Variants in ROR2 observed in about 807,000 individuals in gnomAD.
ROR2 encodes the protein tyrosine-protein kinase transmembrane receptor ROR2.
A neutral mutation model predicts 74.9 loss-of-function variants in ROR2; 33 were observed. The observed-to-expected ratio is 0.44, with a 90% CI of 0.33 to 0.59. ROR2 has a LOEUF of 0.59. Among genes scored for constraint, ROR2 ranks in the 20% least tolerant of loss-of-function variants. The pLI is 0.02. For synonymous variants in ROR2, 586 were observed against 558.7 expected, an observed-to-expected ratio of 1.05 and a Z score of -0.69; for missense variants, 1,216 against 1,313.8, an observed-to-expected ratio of 0.93 and a Z score of 1.15.
intron 2 of ROR2, among the ~76,000 whole-genome samples, chr9:91,763,333 G>A (rs1460203973): frequency 1.3e-5 from 2 of 152,122 alleles, no homozygotes; most frequent in Admixed American, 1.3e-4. Flanking sequence ...AATGAAAGTT[G>A]GAAGGGGAAA....
intron 1 of ROR2, among the ~76,000 whole-genome samples, chr9:91,912,481 G>A (rs1035265275): frequency 3.3e-5 from 5 of 152,096 alleles, no homozygotes; most frequent in African/African-American, 1.2e-4. Context: ...AATACCGTAT[G>A]TGCTCCCAAA....
intron 1 of ROR2, among the ~76,000 whole-genome samples, chr9:91,793,281 G>A (rs1369839916): frequency 1.3e-5 from 2 of 151,958 alleles, no homozygotes; most frequent in Admixed American, 1.3e-4. Flanking sequence ...ATCCAAATAT[G>A]TATGAAAACA....
At chr9:91,797,090 G>C (rs1827206045) in intron 1 of ROR2, among the ~76,000 whole-genome samples, 1 of 85,414 alleles carries the variant, frequency 1.2e-5, no homozygotes, top group Admixed American at 1.0e-4. Context: ...GGGATCTGTG[G>C]ATAGGGCTGA....
chr9:91,821,096 G>C (rs1456388405), intron 1 of ROR2, among the ~76,000 whole-genome samples: 1 of 133,340 alleles, frequency 7.5e-6, no homozygotes, highest in Non-Finnish European at 1.6e-5. Flanking sequence ...ATGAGACTTC[G>C]TCTCAAAAAA....
chr9:91,903,820 C>T (rs796931691), intron 1 of ROR2, among the ~76,000 whole-genome samples: 3 of 152,074 alleles, frequency 2.0e-5, no homozygotes, highest in South Asian at 2.1e-4. Context: ...AGAGAGTCCA[C>T]GGCAATAAAA....
intron 1 of ROR2, among the ~76,000 whole-genome samples, chr9:91,900,666 T>C (rs1323756547): frequency 6.6e-6 from 1 of 152,122 alleles, no homozygotes; most frequent in African/African-American, 2.4e-5. Flanking sequence ...TTCCATGGAC[T>C]GGGGGCAGCT....
rs571306513 is a variant in ROR2, at chr9:91,783,526, T to C, written c.98-7708A>G. On this transcript the variant is annotated intron_variant, in intron 1 of 8. Coordinates refer to ENST00000375708, the MANE Select transcript of ROR2 (RefSeq NM_004560.4). ...CTTCTGAGGCCAACTCTCACTTATA[T>C]GGAAGCCACCTCCAACCCTCACAGC... 5.3e-5 allele frequency among the ~76,000 whole-genome samples: 8 copies of C among 152,224 alleles called. No individual in the cohort carries two copies. The East Asian group carries it at 1.4e-3, about 26-fold the overall frequency.
At chr9:91,925,971 C>T (rs991196430) in intron 1 of ROR2, among the ~76,000 whole-genome samples, 1 of 152,150 alleles carries the variant, frequency 6.6e-6, no homozygotes, top group Non-Finnish European at 1.5e-5. Context: ...AGGCCTGGCG[C>T]GGTTGCTCAC....
At chr9:91,769,613 C>T (rs1264370953) in intron 2 of ROR2, among the ~76,000 whole-genome samples, 1 of 152,102 alleles carries the variant, frequency 6.6e-6, no homozygotes, top group Admixed American at 6.5e-5. Context: ...ACGTTCCCTT[C>T]CTCTCCCACG....
At chr9:91,760,548 G>A (rs937848602) in intron 2 of ROR2, among the ~76,000 whole-genome samples, 1 of 151,884 alleles carries the variant, frequency 6.6e-6, no homozygotes, top group Non-Finnish European at 1.5e-5. Flanking sequence ...GCAGGAGAAT[G>A]GCGTGAACCC....
chr9:91,866,011 T>C (rs1294486005), intron 1 of ROR2, among the ~76,000 whole-genome samples: 1 of 152,218 alleles, frequency 6.6e-6, no homozygotes, highest in Admixed American at 6.5e-5. Context: ...TGGTACAATA[T>C]TGGCATCACA....
intron 8 of ROR2, 132 bp from the exon 9 acceptor site, chr9:91,725,239 TTGCCCACCCAGCCTTGGCC>T (rs1347267552): frequency 2.0e-6 from 3 of 1,516,312 alleles, no homozygotes; most frequent in Admixed American, 3.3e-5. Context: ...CCCGCTGGTT[TTGCCCACCCAGCCTTGGCC>T]TGCCCACCCA....
chr9:91,787,589 A>C (rs1426045160), intron 1 of ROR2, among the ~76,000 whole-genome samples: 4 of 152,206 alleles, frequency 2.6e-5, no homozygotes, highest in South Asian at 2.1e-4. Context: ...ATTACAGGAA[A>C]TACATAAACC....
chr9:91,921,237 T>C (rs1017320847), intron 1 of ROR2, among the ~76,000 whole-genome samples: 17 of 152,354 alleles, frequency 1.1e-4, no homozygotes, highest in South Asian at 4.1e-4. Flanking sequence ...CTCAACCCCA[T>C]ATCAACAAAG....
At chr9:91,948,646 G>C (rs1039036590) in intron 1 of ROR2, 1 of 985,384 alleles carries the variant, frequency 1.0e-6, no homozygotes, top group Non-Finnish European at 1.2e-6. Flanking sequence ...TACCTGGAGC[G>C]CGCAGCTCCC....
intron 1 of ROR2, among the ~76,000 whole-genome samples, chr9:91,864,395 G>A (rs1454167355): frequency 6.6e-6 from 1 of 152,158 alleles, no homozygotes; most frequent in Non-Finnish European, 1.5e-5. Flanking sequence ...CAGGAGGCCA[G>A]GAACACGAGC....
At chr9:91,845,268 C>G (rs1408558657) in intron 1 of ROR2, among the ~76,000 whole-genome samples, 1 of 152,118 alleles carries the variant, frequency 6.6e-6, no homozygotes, top group Non-Finnish European at 1.5e-5. Flanking sequence ...GGAAGCCAGG[C>G]CCTGACCACC....
In ROR2 at chr9:91,735,606, C is replaced by CTTTTTT. The variant is rs35146225; in HGVS notation, c.622+1779_622+1784dup. ...GCACGGTTCCTACTAAGGGCTCTAA[C>CTTTTTT]TTTTTTTTTTTTTTTTTTTTTTTTT... On this transcript the variant is annotated intron_variant, in intron 5 of 8. Coordinates refer to ENST00000375708, the MANE Select transcript of ROR2 (RefSeq NM_004560.4). 1.0e-4 allele frequency among the ~76,000 whole-genome samples: 8 copies of CTTTTTT among 78,996 alleles called. 1 individual carries two copies. The highest frequency in any genetic ancestry group is 5.0e-4 in the East Asian group (1 of 2,008). 51.8% of individuals were successfully genotyped at this position (78,996 alleles called of 152,430 possible).
In ROR2 at chr9:91,744,213, CTTTTTTT is replaced by C. The variant is rs1167780367; in HGVS notation, c.495-6702_495-6696del. Among the ~76,000 whole-genome samples, 8 of 89,080 alleles carry C rather than the reference CTTTTTTT, an allele frequency of 9.0e-5. No homozygotes were observed. The South Asian group carries it at 1.9e-3, about 21-fold the overall frequency. 58.4% of individuals were successfully genotyped at this position (89,080 alleles called of 152,430 possible). On this transcript the variant is annotated intron_variant, in intron 4 of 8. Coordinates refer to ENST00000375708, the MANE Select transcript of ROR2 (RefSeq NM_004560.4). Reference sequence around the variant, plus strand: ...TTGACCCTCCACAGAAATTTGTTAACTTTTTTTTTTTTTTTTTTTTTTTTGAGAGACA... The same window carrying C: ...TTGACCCTCCACAGAAATTTGTTAACTTTTTTTTTTTTTTTTTGAGAGACA...
Sources: gnomAD v4.1 joint callset for allele counts (sites outside exome capture counted in the v4.1 genomes callset) on GRCh38, gnomAD v4.1.1 for gene constraint, MANE v1.5 for transcripts, NCBI Gene and HGNC (gene_info 2026-07-23, HGNC 2026-07-21) for gene names.